The following GNPTG variants were observed in gnomAD, a reference collection of about 807,000 sequenced individuals.
GNPTG encodes N-acetylglucosamine-1-phosphate transferase subunit gamma.
In GNPTG, 46 loss-of-function variants were observed where a neutral mutation model predicts 43.8. That is an observed-to-expected ratio of 1.05 (90% CI 0.83 to 1.34). The LOEUF is 1.34. Among genes scored for constraint, GNPTG ranks in the 40% most tolerant of loss-of-function variants. The probability of loss-of-function intolerance (pLI) is 0.00; values close to 1 mark genes in which losing one functional copy is unlikely to be tolerated. For synonymous variants in GNPTG, 250 were observed against 172.8 expected (o/e 1.45, Z -3.50); for missense variants, 549 against 411.3 (o/e 1.33, Z -2.90).
At chr16:1,361,636 T>C in intron 3 of GNPTG, 107 bp from the exon 4 acceptor site, 1 of 1,136,290 alleles carries the variant, frequency 8.8e-7, no homozygotes, top group Non-Finnish European at 1.3e-6. Flanking sequence ...AGAGTGAGAC[T>C]CCATCTCAAA....
intron 9 of GNPTG, 39 bp from the exon 10 acceptor site, chr16:1,362,786 C>CA (rs1257480594): frequency 6.2e-7 from 1 of 1,613,994 alleles, no homozygotes; most frequent in Non-Finnish European, 8.5e-7. Flanking sequence ...AGCCCTCCAG[C>CA]ACCTGGGCTT....
rs1180401565 is a variant in GNPTG, at chr16:1,361,796, A to C, written c.232A>C (p.Thr78Pro). 3.1e-6 allele frequency: 5 copies of C among 1,613,864 alleles called. No homozygotes were observed. The highest frequency in any genetic ancestry group is 4.2e-6 in the Non-Finnish European group (5 of 1,179,964). ...SGKCFSLVESTYKYEFCPFHN... is the reference protein window; with the variant it reads ...SGKCFSLVESPYKYEFCPFHN... ...CAAGTGCTTCAGCCTGGTGGAGTCC[A>C]CGTGAGTGCAGGGTGGGTGCGAGGG... is the stretch of plus-strand genomic sequence containing the variant. Residue 78 changes from threonine (T) to proline (P), a missense_variant and splice_region_variant, in exon 4 of 11, where the codon ACG becomes CCG. By Grantham distance (38) the Thr-to-Pro change is conservative. Transcript: ENST00000204679.
At chr16:1,356,864 AGCGGGAATCTGCGG>A (rs2034785344) in intron 3 of GNPTG, among the ~76,000 whole-genome samples, 2 of 151,596 alleles carry the variant, frequency 1.3e-5, no homozygotes, top group African/African-American at 2.4e-5. Context: ...GGAGTGTGAG[AGCGGGAATCTGCGG>A]GCGGGGGTCT....
At chr16:1,354,391 C>T (rs1228597689) in intron 3 of GNPTG, among the ~76,000 whole-genome samples, 1 of 151,904 alleles carries the variant, frequency 6.6e-6, no homozygotes, top group Non-Finnish European at 1.5e-5. Flanking sequence ...GCCTGGCCAA[C>T]ATGGTGAAAC....
chr16:1,359,245 G>C (rs2034829440), intron 3 of GNPTG, among the ~76,000 whole-genome samples: 1 of 152,062 alleles, frequency 6.6e-6, no homozygotes, highest in Non-Finnish European at 1.5e-5. Flanking sequence ...CCATTCTGTG[G>C]GTTGTCTTTT....
Position 1,351,948 on chromosome 16 carries a change from G to T in GNPTG, c.-18G>T. 7.8e-7 allele frequency: 1 copy of T among 1,280,802 alleles called. No homozygotes were observed. Among genetic ancestry groups the T allele is most frequent in the Non-Finnish European group, 9.8e-7 (1 of 1,020,480 alleles). The allele number at this position is 1,280,802 out of a possible 1,614,324, so 79.3% of individuals were successfully genotyped here. The stretch of plus-strand genomic sequence containing the variant: ...TGACCGTCACTTCACGTGACCGCGC[G>T]GCGGCCGCTGCGGCGCGATGGCGGC... On this transcript the variant is annotated 5_prime_UTR_variant, in exon 1 of 11. Coordinates refer to ENST00000204679, the MANE Select transcript of GNPTG (RefSeq NM_032520.5).
Position 1,362,193 on chromosome 16 carries a change from G to A in GNPTG, c.412-13G>A, listed in dbSNP as rs368718738. The A allele has an allele frequency of 1.2e-4, 198 of 1,613,444 alleles. No individual in the cohort carries two copies. Among genetic ancestry groups the A allele is most frequent in the African/African-American group, 1.1e-3 (83 of 75,062 alleles). On this transcript the variant is annotated splice_polypyrimidine_tract_variant and intron_variant, in intron 6 of 10. Coordinates refer to ENST00000204679, the MANE Select transcript of GNPTG (RefSeq NM_032520.5). ...CAGTCTCCCCAACCCACCTACCCAC[G>A]TTCCCTCCCCAGGTGGAGCTGGCGT...
Position 1,361,748 on chromosome 16 carries a change from G to T in GNPTG, c.184G>T (p.Val62Leu). Reference sequence around the variant, plus strand: ...CAGTGTGAGGTCTCTTCCAGGACCCGTGCATCTCTTCCGACTCTCGGGCAA... The same window carrying T: ...CAGTGTGAGGTCTCTTCCAGGACCCTTGCATCTCTTCCGACTCTCGGGCAA... ...KRDPSPVSGP[V>L]HLFRLSGKCF... is the part of the protein sequence containing the mutation. The change falls in exon 4 of 11, where the codon GTG (valine) becomes TTG (leucine). Residue 62 changes from valine (V) to leucine (L), a missense_variant. Physicochemically the swap from Val to Leu is conservative, Grantham distance 32. Transcript: ENST00000204679. 6.2e-7 allele frequency: 1 copy of T among 1,614,126 alleles called. No homozygotes were observed. Among genetic ancestry groups the T allele is most frequent in the South Asian group, 1.1e-5 (1 of 91,066 alleles).
chr16:1,357,657 G>A (rs1305096883), intron 3 of GNPTG: 4 of 153,344 alleles, frequency 2.6e-5, no homozygotes, highest in South Asian at 4.0e-4. Context: ...GGGACTACAG[G>A]CGCCCGCCAC....
intron 3 of GNPTG, among the ~76,000 whole-genome samples, chr16:1,357,330 A>G (rs955377699): frequency 1.3e-5 from 2 of 152,122 alleles, no homozygotes; most frequent in Non-Finnish European, 2.9e-5. Flanking sequence ...ACAGAAGGCC[A>G]GGCCGGGCCA....
chr16:1,361,583 G>A, intron 3 of GNPTG, 160 bp from the exon 4 acceptor site: 1 of 734,104 alleles, frequency 1.4e-6, no homozygotes, highest in Non-Finnish European at 2.3e-6. Context: ...GGCGGAGCTT[G>A]AAGTGAGCCA....
At position 1,351,980 on chromosome 16, in the gene GNPTG, G is replaced by A; in HGVS notation, c.15G>A (p.Leu5=). The change falls in exon 1 of 11, where the codon CTG becomes CTA. Residue 5 remains leucine (L), a synonymous_variant. Coordinates refer to ENST00000204679, the MANE Select transcript of GNPTG (RefSeq NM_032520.5). The part of the protein sequence containing the change: MAAG[L]ARLLLLLGLS... ...GCTGCGGCGCGATGGCGGCGGGGCTGGCGCGGCTCCTGTTGCTCCTCGGGC... is the reference window on the plus strand; with the variant it reads ...GCTGCGGCGCGATGGCGGCGGGGCTAGCGCGGCTCCTGTTGCTCCTCGGGC... 3.6e-6 allele frequency: 5 copies of A among 1,377,728 alleles called. No homozygotes were observed. Among genetic ancestry groups the A allele is most frequent in the Non-Finnish European group, 2.8e-6 (3 of 1,067,348 alleles). 85.3% of individuals were successfully genotyped at this position (1,377,728 alleles called of 1,614,324 possible). A position where few individuals can be genotyped will look rare whatever the true frequency, so the allele number is the denominator to read the frequency against.
intron 3 of GNPTG, among the ~76,000 whole-genome samples, chr16:1,355,476 G>GGGGCT (rs2034760345): frequency 1.3e-5 from 2 of 152,158 alleles, no homozygotes; most frequent in African/African-American, 2.4e-5. Context: ...CGAGGCTGGT[G>GGGGCT]GGGCTGGGCT....
In GNPTG at chr16:1,362,914, A is replaced by C. The variant is rs761349421; in HGVS notation, c.823+8A>C. On this transcript the variant is annotated splice_region_variant and intron_variant, in intron 10 of 10. Coordinates refer to ENST00000204679, the MANE Select transcript of GNPTG (RefSeq NM_032520.5). ...CCTACACGAGGCCCACAGGTGAGTC[A>C]CCTGTGGGGAGAGGGCCAGGCTCAC... The C allele has an allele frequency of 1.9e-6, 3 of 1,613,986 alleles. No individual in the cohort carries two copies. The highest frequency in any genetic ancestry group is 2.5e-6 in the Non-Finnish European group (3 of 1,179,912).
chr16:1,362,365 A>G (rs1426247604), intron 7 of GNPTG, 45 bp downstream of exon 7: 1 of 1,608,954 alleles, frequency 6.2e-7, no homozygotes, highest in Non-Finnish European at 8.5e-7. Flanking sequence ...TCAGCCGCGC[A>G]CGCAGCCCTG....
At chr16:1,355,411 G>A (rs1030814837) in intron 3 of GNPTG, among the ~76,000 whole-genome samples, 2 of 152,166 alleles carry the variant, frequency 1.3e-5, no homozygotes, top group African/African-American at 4.8e-5. Context: ...GGGCTCAGAA[G>A]GTCCCCGCAG....
At chr16:1,352,334 C>A in intron 3 of GNPTG, 28 bp downstream of exon 3, 1 of 1,547,384 alleles carries the variant, frequency 6.5e-7, no homozygotes, top group South Asian at 1.2e-5. Context: ...TTGGCCGGCG[C>A]GGGGGTGGCC....
rs768997138 is a variant in GNPTG, at chr16:1,362,450, A to G, written c.527-2A>G. On this transcript the variant is annotated splice_acceptor_variant, in intron 7 of 10. Coordinates refer to ENST00000204679, the MANE Select transcript of GNPTG (RefSeq NM_032520.5). LOFTEE classifies it high-confidence loss of function. ...TGAGCCTGGCTTCTCTTGGGTCCTC[A>G]GTGTACCCAACCCTGCCAGAGGCCC... is the stretch of plus-strand genomic sequence containing the variant. 1.2e-6 allele frequency: 2 copies of G among 1,613,688 alleles called. No individual in the cohort carries two copies. The highest frequency in any genetic ancestry group is 1.1e-5 in the South Asian group (1 of 91,088).
rs771863638 is a variant in GNPTG, at chr16:1,362,163, G to A, written c.411+32G>A. On this transcript the variant is annotated intron_variant, in intron 6 of 10. Transcript: ENST00000204679. ...CCTCAGACGGGAGCCCGGGAAGAGG[G>A]GCCCCAGTCTCCCCAACCCACCTAC... 3.1e-6 allele frequency: 5 copies of A among 1,613,034 alleles called. No individual in the cohort carries two copies. The Admixed American group carries it at 6.7e-5, about 22-fold the overall frequency.
Sources: gnomAD v4.1 joint callset for allele counts (sites outside exome capture counted in the v4.1 genomes callset) on GRCh38, gnomAD v4.1.1 for gene constraint, MANE v1.5 for transcripts, NCBI Gene and HGNC (gene_info 2026-07-23, HGNC 2026-07-21) for gene names.